The following SRRM1 variants were observed in gnomAD, a reference collection of about 807,000 sequenced individuals.
The protein encoded by SRRM1 is serine and arginine repetitive matrix 1, also known as serine/arginine repetitive matrix protein 1.
Under a neutral mutation model 110.2 loss-of-function variants are expected in SRRM1, and 19 were observed. The observed-to-expected ratio is 0.17, with a 90% confidence interval of 0.12 to 0.25. SRRM1 has a LOEUF of 0.25. SRRM1 is among the 10% of genes least tolerant of loss of function. SRRM1 has a pLI of 1.00. For missense variants in SRRM1, 918 were observed against 1,145.8 expected, an observed-to-expected ratio of 0.80 and a Z score of 2.87; for synonymous variants, 443 against 414.9, an observed-to-expected ratio of 1.07 and a Z score of -0.82.
chr1:24,647,437 T>A (rs931353413), intron 3 of SRRM1: 13 of 152,448 alleles, frequency 8.5e-5, no homozygotes, highest in Admixed American at 7.9e-4. Context: ...AGACAGGATT[T>A]TTGTTTATAC....
chr1:24,644,757 C>T (rs1461267443), intron 1 of SRRM1, among the ~76,000 whole-genome samples: 1 of 152,104 alleles, frequency 6.6e-6, no homozygotes, highest in African/African-American at 2.4e-5. Context: ...AGTAAATATT[C>T]AATATTTTCT....
In SRRM1 at chr1:24,661,348, G is replaced by T; in HGVS notation, c.1435G>T (p.Val479Leu). ...KGGKMAAADS[V>L]QQRRQYRRQN... ...TGGCAAAATGGCTGCAGCAGATTCT[G>T]TGCAGCAGAGACGCCAATACAGACG... The change falls in exon 11 of 17, where the codon GTG becomes TTG. Residue 479 changes from valine to leucine, a missense_variant. Coordinates refer to ENST00000323848, the MANE Select transcript of SRRM1 (RefSeq NM_005839.4). 6.2e-7 allele frequency: 1 copy of T among 1,613,596 alleles called. No homozygotes were observed.
At chr1:24,653,135 TA>T in intron 8 of SRRM1, 103 bp downstream of exon 8, 1 of 1,074,390 alleles carries the variant, frequency 9.3e-7, no homozygotes, top group Non-Finnish European at 1.3e-6. Flanking sequence ...AAAGAACTGA[TA>T]GGTGATATTA....
At chr1:24,660,459 T>G (rs1201847610) in intron 9 of SRRM1, among the ~76,000 whole-genome samples, 3 of 152,200 alleles carry the variant, frequency 2.0e-5, no homozygotes, top group African/African-American at 7.2e-5. Context: ...AAATTCTTTT[T>G]GAGAGTAGTC....
At chr1:24,643,528 C>A in intron 1 of SRRM1, 181 bp downstream of exon 1, 1 of 493,014 alleles carries the variant, frequency 2.0e-6, no homozygotes, top group Non-Finnish European at 3.4e-6. Flanking sequence ...TGCGCCCCTG[C>A]GCAGTCTCCT....
At chr1:24,643,938 C>A (rs552166330) in intron 1 of SRRM1, among the ~76,000 whole-genome samples, 5 of 152,102 alleles carry the variant, frequency 3.3e-5, no homozygotes, top group African/African-American at 1.2e-4. Context: ...AATTTGATAT[C>A]CCTTCAGGGA....
At chr1:24,652,029 A>ATATATAT (rs1661006949) in intron 6 of SRRM1, among the ~76,000 whole-genome samples, 1 of 79,844 alleles carries the variant, frequency 1.3e-5, no homozygotes, top group African/African-American at 4.2e-5. Flanking sequence ...CTGTACTAAA[A>ATATATAT]ATATATATAT....
chr1:24,646,827 G>A, intron 3 of SRRM1, 38 bp downstream of exon 3: 1 of 1,512,442 alleles, frequency 6.6e-7, no homozygotes, highest in Non-Finnish European at 8.8e-7. Context: ...CTGAATATGT[G>A]ATATAATTTG....
At chr1:24,671,695 GC>G in intron 16 of SRRM1, 100 bp downstream of exon 16, 1 of 1,051,462 alleles carries the variant, frequency 9.5e-7, no homozygotes, top group Non-Finnish European at 1.4e-6. Context: ...CTACTAATTA[GC>G]CAGTTACTCT....
intron 11 of SRRM1, 115 bp downstream of exon 11, chr1:24,661,511 C>T: frequency 1.5e-6 from 1 of 665,632 alleles, no homozygotes; most frequent in Non-Finnish European, 2.4e-6. Context: ...AGAAATCTGT[C>T]TGAGGAGGCA....
intron 8 of SRRM1, among the ~76,000 whole-genome samples, chr1:24,654,614 GGA>G (rs1456954635): frequency 6.6e-6 from 1 of 152,082 alleles, no homozygotes; most frequent in Non-Finnish European, 1.5e-5. Flanking sequence ...TTTTATAACT[GGA>G]GAGAGAACAC....
chr1:24,671,903 T>G (rs963179415), intron 16 of SRRM1, among the ~76,000 whole-genome samples: 1 of 152,076 alleles, frequency 6.6e-6, no homozygotes, highest in African/African-American at 2.4e-5. Context: ...AGGTTGGTTT[T>G]TTTTTTTGTT....
chr1:24,660,128 C>T (rs1183162415), intron 9 of SRRM1, among the ~76,000 whole-genome samples: 1 of 152,122 alleles, frequency 6.6e-6, no homozygotes, highest in Admixed American at 6.5e-5. Flanking sequence ...TCTGAACCCA[C>T]CTATTGTGGT....
chr1:24,646,169 TA>T, intron 2 of SRRM1, 96 bp downstream of exon 2: 2 of 889,212 alleles, frequency 2.2e-6, no homozygotes, highest in Non-Finnish European at 1.8e-6. Context: ...ACTTGAATGC[TA>T]AGAAAAACAT....
chr1:24,644,078 C>T (rs1304258026), intron 1 of SRRM1, among the ~76,000 whole-genome samples: 1 of 152,200 alleles, frequency 6.6e-6, no homozygotes, highest in African/African-American at 2.4e-5. Context: ...CCCTCCACAT[C>T]CCTCACCACC....
Position 24,650,083 on chromosome 1 carries a change from G to A in SRRM1, c.518G>A (p.Arg173Lys). 6.3e-7 allele frequency: 1 copy of A among 1,574,874 alleles called. No homozygotes were observed. The highest frequency in any genetic ancestry group is 8.6e-7 in the Non-Finnish European group (1 of 1,160,700). Reference protein sequence around the residue: ...REKRERSRSPRRRKSRSPSPR... With the variant: ...REKRERSRSPKRRKSRSPSPR... Reference sequence around the variant, plus strand: ...AAAAGGGAGCGGTCTCGTAGCCCAAGAAGGTATCATACAATAGATGCATAA... The same window carrying A: ...AAAAGGGAGCGGTCTCGTAGCCCAAAAAGGTATCATACAATAGATGCATAA... The change falls in exon 5 of 17, where the codon AGA (arginine) becomes AAA (lysine). Residue 173 changes from arginine to lysine, a missense_variant. By Grantham distance (26) the Arg-to-Lys change is conservative. Transcript: ENST00000323848.
At chr1:24,652,046 A>G (rs1661138219) in intron 6 of SRRM1, among the ~76,000 whole-genome samples, 1 of 131,536 alleles carries the variant, frequency 7.6e-6, no homozygotes, top group Non-Finnish European at 1.6e-5. Context: ...ATATATATAT[A>G]TATATATATA....
chr1:24,672,061 C>T (rs1673054943), intron 16 of SRRM1, 121 bp from the exon 17 acceptor site: 3 of 705,948 alleles, frequency 4.2e-6, no homozygotes, highest in Non-Finnish European at 7.2e-6. Flanking sequence ...CTCCCTGCTC[C>T]CCCTACCCCA....
intron 10 of SRRM1, chr1:24,661,049 A>G (rs1033107501): frequency 1.9e-6 from 1 of 534,756 alleles, no homozygotes; most frequent in Non-Finnish European, 3.4e-6. Context: ...GAGGTTTTTG[A>G]CAGTTAACTG....
Sources: allele counts gnomAD v4.1 joint callset (sites outside exome capture counted in the v4.1 genomes callset), GRCh38; gene constraint gnomAD v4.1.1; transcripts MANE v1.5; gene names NCBI Gene and HGNC (gene_info 2026-07-23, HGNC 2026-07-21).